Variants in CTNNA3 observed in about 807,000 individuals in gnomAD.
CTNNA3 encodes catenin alpha 3.
CTNNA3 carries 76 observed loss-of-function variants against 95.7 expected under a neutral mutation model. That is an observed-to-expected ratio of 0.79 (90% CI 0.66 to 0.96). The LOEUF (loss-of-function observed/expected upper bound fraction) is 0.96. Ranked by LOEUF, CTNNA3 falls within the 40% of genes least tolerant of loss-of-function variation. The pLI, the probability that CTNNA3 is intolerant of heterozygous loss-of-function variation, is 0.00. For missense variants in CTNNA3, 1,191 were observed against 1,089.8 expected, an observed-to-expected ratio of 1.09 and a Z score of -1.31; for synonymous variants, 431 against 374.4, an observed-to-expected ratio of 1.15 and a Z score of -1.74.
rs1172620834 is a variant in CTNNA3, at chr10:67,087,912, A to T, written c.1047+92405T>A. On this transcript the variant is annotated intron_variant, in intron 7 of 17. Coordinates refer to ENST00000433211, the MANE Select transcript of CTNNA3 (RefSeq NM_013266.4). ...TAATAAGTATAAGGAATCATGTGAGACAATATAAGGCATGGAGAAATATGA... is the reference window on the plus strand; with the variant it reads ...TAATAAGTATAAGGAATCATGTGAGTCAATATAAGGCATGGAGAAATATGA... Among the ~76,000 whole-genome samples the T allele has an allele frequency of 2.0e-5, 3 of 152,224 alleles. No individual in the cohort carries two copies. In the East Asian group the frequency reaches 5.8e-4, roughly 29 times the overall value.
chr10:66,397,856 T>C (rs557877372), intron 11 of CTNNA3, among the ~76,000 whole-genome samples: 1 of 152,020 alleles, frequency 6.6e-6, no homozygotes, highest in South Asian at 2.1e-4. Context: ...ATCTTGGTCT[T>C]TATGAAAATA....
intron 13 of CTNNA3, among the ~76,000 whole-genome samples, chr10:66,274,276 A>G (rs10997029): frequency 0.15 from 23,042 of 152,144 alleles, 1,889 homozygotes; most frequent in East Asian, 0.28. Context: ...CATTTTCATG[A>G]GTCACAATAT....
In CTNNA3 at chr10:66,620,285, A is replaced by G. The variant is rs950345304; in HGVS notation, c.1374+1407T>C. ...TCTTCTGTGACTGAAAAATTATTTA[A>G]AAAATATTTCAAAAGACATGGGCAA... On this transcript the variant is annotated intron_variant, in intron 10 of 17. Coordinates refer to ENST00000433211, the MANE Select transcript of CTNNA3 (RefSeq NM_013266.4). Among the ~76,000 whole-genome samples, 4 of 152,258 alleles carry G rather than the reference A, an allele frequency of 2.6e-5. No homozygotes were observed. The South Asian group carries it at 6.2e-4, about 24-fold the overall frequency.
intron 7 of CTNNA3, among the ~76,000 whole-genome samples, chr10:67,153,491 T>C (rs1301267170): frequency 6.6e-6 from 1 of 152,214 alleles, no homozygotes; most frequent in African/African-American, 2.4e-5. Flanking sequence ...TTTTTTCAGA[T>C]AAGAAACTGG....
chr10:66,770,357 T>G (rs1291819231), intron 8 of CTNNA3, among the ~76,000 whole-genome samples: 2 of 152,162 alleles, frequency 1.3e-5, no homozygotes, highest in Non-Finnish European at 2.9e-5. Context: ...TCCTTTCAGT[T>G]GGGTGATATA....
chr10:66,749,234 G>GGAAA (rs145957383), intron 9 of CTNNA3, among the ~76,000 whole-genome samples: 10 of 131,132 alleles, frequency 7.6e-5, no homozygotes, highest in Non-Finnish European at 1.4e-4. Context: ...AAAAAGAAAA[G>GGAAA]GAAAGAAAGA....
At chr10:67,044,715 G>A (rs753789272) in intron 7 of CTNNA3, among the ~76,000 whole-genome samples, 1 of 152,030 alleles carries the variant, frequency 6.6e-6, no homozygotes, top group Non-Finnish European at 1.5e-5. Context: ...GAACTCTTAG[G>A]GATGTTATAA....
intron 15 of CTNNA3, among the ~76,000 whole-genome samples, chr10:66,053,579 T>C (rs1388420896): frequency 1.3e-5 from 2 of 151,948 alleles, no homozygotes; most frequent in African/African-American, 2.4e-5. Flanking sequence ...AAATAGTAGG[T>C]CTTATTCATT....
intron 10 of CTNNA3, among the ~76,000 whole-genome samples, chr10:66,553,529 T>TC (rs1203100392): frequency 1.6e-5 from 2 of 124,422 alleles, no homozygotes; most frequent in South Asian, 2.9e-4. Context: ...TTTTTTTTTT[T>TC]TTTTTTTTTT....
chr10:66,013,730 A>G (rs780111919), intron 15 of CTNNA3, among the ~76,000 whole-genome samples: 14 of 152,220 alleles, frequency 9.2e-5, no homozygotes, highest in Non-Finnish European at 2.1e-4. Flanking sequence ...TTGTCAAAAA[A>G]TACGACCAAG....
chr10:66,921,028 A>C (rs1846758280), intron 7 of CTNNA3, among the ~76,000 whole-genome samples: 1 of 152,140 alleles, frequency 6.6e-6, no homozygotes, highest in Non-Finnish European at 1.5e-5. Flanking sequence ...TCTATAAACA[A>C]AAATACTATA....
chr10:67,401,638 T>C (rs1037155671), intron 5 of CTNNA3, among the ~76,000 whole-genome samples: 7 of 152,050 alleles, frequency 4.6e-5, no homozygotes, highest in African/African-American at 1.4e-4. Flanking sequence ...AAATCGAAGG[T>C]ACAGTGCTAG....
At chr10:66,176,322 C>G (rs2131844201) in intron 13 of CTNNA3, among the ~76,000 whole-genome samples, 2 of 152,116 alleles carry the variant, frequency 1.3e-5, no homozygotes, top group South Asian at 4.1e-4. Flanking sequence ...TTTAGACACG[C>G]AAATGGAGGC....
At chr10:66,124,863 C>G (rs879317374) in intron 13 of CTNNA3, among the ~76,000 whole-genome samples, 9 of 152,152 alleles carry the variant, frequency 5.9e-5, no homozygotes, top group Non-Finnish European at 1.2e-4. Flanking sequence ...CCACTAGGTT[C>G]CTCCGATGAC....
chr10:66,367,880 AATTATTATTATT>A (rs200238646), intron 12 of CTNNA3, among the ~76,000 whole-genome samples: 959 of 47,016 alleles, frequency 0.02, 12 homozygotes, highest in Middle Eastern at 0.025. Context: ...TAATAATAAT[AATTATTATTATT>A]ATTATTATTA....
At chr10:66,737,670 T>C (rs573783120) in intron 9 of CTNNA3, among the ~76,000 whole-genome samples, 1 of 152,150 alleles carries the variant, frequency 6.6e-6, no homozygotes, top group East Asian at 1.9e-4. Flanking sequence ...TGTACTTTTT[T>C]TTTTTTTTGA....
chr10:66,731,441 C>A (rs1229730802), intron 9 of CTNNA3, among the ~76,000 whole-genome samples: 1 of 152,074 alleles, frequency 6.6e-6, no homozygotes, highest in Non-Finnish European at 1.5e-5. Flanking sequence ...TCCCTTCCTT[C>A]TTTTTGTGTC....
chr10:67,701,042 T>C (rs1440744079), upstream of CTNNA3, among the ~76,000 whole-genome samples: 1 of 151,754 alleles, frequency 6.6e-6, no homozygotes, highest in South Asian at 2.1e-4. Context: ...GAAGATGAAA[T>C]GAATGAAATG....
At chr10:65,947,559 C>A (rs1260496466) in intron 17 of CTNNA3, among the ~76,000 whole-genome samples, 1 of 152,164 alleles carries the variant, frequency 6.6e-6, no homozygotes, top group Non-Finnish European at 1.5e-5. Flanking sequence ...CCTTTCTATT[C>A]TTCCCTTTCC....
Sources: allele counts gnomAD v4.1 joint callset (sites outside exome capture counted in the v4.1 genomes callset), GRCh38; gene constraint gnomAD v4.1.1; transcripts MANE v1.5; gene names NCBI Gene and HGNC (gene_info 2026-07-23, HGNC 2026-07-21).